TMCC2: variants seen among roughly 807,000 people sequenced by gnomAD.
The protein encoded by TMCC2 is transmembrane and coiled-coil domain family 2, also known as transmembrane and coiled-coil domains protein 2.
TMCC2 carries 16 observed loss-of-function variants against 49.4 expected under a neutral mutation model. That is an observed-to-expected ratio of 0.32 (90% CI 0.22 to 0.49). The LOEUF (loss-of-function observed/expected upper bound fraction) is 0.49. Ranked by LOEUF, TMCC2 falls within the 20% of genes least tolerant of loss-of-function variation. The pLI, the probability that TMCC2 is intolerant of heterozygous loss-of-function variation, is 0.99. For missense variants in TMCC2, 762 were observed against 989.8 expected, an observed-to-expected ratio of 0.77 and a Z score of 3.09; for synonymous variants, 397 against 434.1, an observed-to-expected ratio of 0.91 and a Z score of 1.06.
intron 2 of TMCC2, among the ~76,000 whole-genome samples, chr1:205,260,763 T>C (rs1264778746): frequency 6.8e-6 from 1 of 147,940 alleles, no homozygotes; most frequent in African/African-American, 2.5e-5. Context: ...ATATTTCATA[T>C]AATGGAATCA....
intron 2 of TMCC2, among the ~76,000 whole-genome samples, chr1:205,248,539 C>T (rs950456944): frequency 6.6e-6 from 1 of 152,154 alleles, no homozygotes; most frequent in Non-Finnish European, 1.5e-5. Context: ...TGTGGGTGCA[C>T]TTGGGCATTG....
Position 205,254,887 on chromosome 1 carries a change from C to T in TMCC2, c.747+12843C>T, listed in dbSNP as rs182896040. On this transcript the variant is annotated intron_variant, in intron 2 of 4. Coordinates refer to ENST00000358024, the MANE Select transcript of TMCC2 (RefSeq NM_014858.4). ...CTCCTGCTGCCACTGCCTTCTCTTC[C>T]TTTTCCTCTGCTTAATAAGAAAAAG... Among the ~76,000 whole-genome samples, 62 of 152,328 alleles carry T rather than the reference C, an allele frequency of 4.1e-4. 1 individual carries two copies. In the East Asian group the frequency reaches 9.1e-3, roughly 22 times the overall value.
At chr1:205,261,562 C>T (rs912457125) in intron 2 of TMCC2, among the ~76,000 whole-genome samples, 1 of 151,856 alleles carries the variant, frequency 6.6e-6, no homozygotes, top group African/African-American at 2.4e-5. Context: ...GCCTGTGGCC[C>T]CAGCTACTTA....
At chr1:205,230,183 C>T in intron 1 of TMCC2, 1 of 985,354 alleles carries the variant, frequency 1.0e-6, no homozygotes, top group Non-Finnish European at 1.2e-6. Context: ...AGTGTGTGTG[C>T]TCTTACCTGT....
intron 1 of TMCC2, chr1:205,229,151 CTTTGTGTG>C (rs1326296332): frequency 1.7e-5 from 17 of 1,014,546 alleles, no homozygotes; most frequent in Middle Eastern, 4.8e-4. Flanking sequence ...CCATTGGGAT[CTTTGTGTG>C]TGTGTGTGTG....
chr1:205,235,962 G>A (rs769611052), intron 1 of TMCC2, among the ~76,000 whole-genome samples: 20 of 151,682 alleles, frequency 1.3e-4, no homozygotes, highest in Non-Finnish European at 1.8e-4. Context: ...CTAGCTGCTC[G>A]GGAGGCTGAG....
chr1:205,257,921 G>A (rs1244047506), intron 2 of TMCC2, among the ~76,000 whole-genome samples: 2 of 152,204 alleles, frequency 1.3e-5, no homozygotes, highest in Non-Finnish European at 2.9e-5. Flanking sequence ...CGAGGAGGGT[G>A]CAGGACATTT....
At chr1:205,256,140 C>A in intron 2 of TMCC2, 8 of 1,296,554 alleles carry the variant, frequency 6.2e-6, no homozygotes, top group Non-Finnish European at 7.2e-6. Context: ...TTTGGGACTA[C>A]CCAATCAACG....
chr1:205,238,874 G>T (rs906530157), intron 1 of TMCC2, among the ~76,000 whole-genome samples: 8 of 152,162 alleles, frequency 5.3e-5, no homozygotes. Flanking sequence ...CACATTCCTA[G>T]CTCCTGAGAT....
At chr1:205,254,570 C>T (rs1660789142) in intron 2 of TMCC2, among the ~76,000 whole-genome samples, 1 of 152,214 alleles carries the variant, frequency 6.6e-6, no homozygotes, top group African/African-American at 2.4e-5. Context: ...TTGTTTGCTA[C>T]TTTTCTCCTA....
rs1481386598 is a variant in TMCC2, at chr1:205,241,346, C to A, written c.208-159C>A. On this transcript the variant is annotated intron_variant, in intron 1 of 4. Transcript: ENST00000358024. This position sits in a 1 kb window ranked among gnomAD's most constrained non-coding sequence, Gnocchi z 7.3. ...GTTGCCACCTTTTCGCAAACTGACC[C>A]TTTATGCACGACGGGCCATCCACAG... Among the ~76,000 whole-genome samples the A allele has an allele frequency of 1.3e-5, 2 of 152,188 alleles. No individual in the cohort carries two copies. The highest frequency in any genetic ancestry group is 2.9e-5 in the Non-Finnish European group (2 of 68,032).
rs764976224 is a variant in TMCC2 at position 205,269,685 on chromosome 1, G to T, written c.1483G>T (p.Ala495Ser). ...SSAGAGSNSG[A>S]GPGGALGSPK... The stretch of plus-strand genomic sequence containing the variant: ...AGCCGGGGCAGGCAGCAACTCTGGG[G>T]CTGGGCCTGGTGGGGCGCTGGGGAG... Residue 495 changes from alanine to serine, a missense_variant, in exon 3 of 5, where the codon GCT becomes TCT. Physicochemically the swap from Ala to Ser is moderately conservative, Grantham distance 99. Transcript: ENST00000358024. 1.2e-6 allele frequency: 2 copies of T among 1,614,016 alleles called. No homozygotes were observed. The highest frequency in any genetic ancestry group is 1.7e-6 in the Non-Finnish European group (2 of 1,179,954).
chr1:205,237,813 A>T (rs1390570193), intron 1 of TMCC2, among the ~76,000 whole-genome samples: 6 of 152,162 alleles, frequency 3.9e-5, no homozygotes, highest in Admixed American at 3.9e-4. Context: ...GTGCCACCCA[A>T]GGAGATGGGG....
rs1660812847 is a variant in TMCC2 at position 205,255,170 on chromosome 1, T to C, written c.747+13126T>C. Among the ~76,000 whole-genome samples, 3 of 139,978 alleles carry C rather than the reference T, an allele frequency of 2.1e-5. No homozygotes were observed. In the Admixed American group the frequency reaches 2.3e-4, roughly 11 times the overall value. The allele number at this position is 139,978 out of a possible 152,430, so 91.8% of individuals were successfully genotyped here. A position where few individuals can be genotyped will look rare whatever the true frequency, so the allele number is the denominator to read the frequency against. On this transcript the variant is annotated intron_variant, in intron 2 of 4. Transcript: ENST00000358024. ...GTGAGGTGTGATCGTGCCACTGCAC[T>C]CCAGTCTGGGTGACAGAGCAAGATC...
chr1:205,253,505 G>A (rs1253951228), intron 2 of TMCC2, among the ~76,000 whole-genome samples: 1 of 152,204 alleles, frequency 6.6e-6, no homozygotes, highest in East Asian at 1.9e-4. Flanking sequence ...CAGCTCAGCT[G>A]CCCATCCTGT....
At chr1:205,259,118 C>T (rs1043041603) in intron 2 of TMCC2, among the ~76,000 whole-genome samples, 13 of 152,144 alleles carry the variant, frequency 8.5e-5, no homozygotes, top group Non-Finnish European at 1.8e-4. Context: ...TGACACCTGA[C>T]TCCATTGTCA....
In TMCC2 at chr1:205,241,510, C is replaced by A; in HGVS notation, c.213C>A (p.Ile71=). The change falls in exon 2 of 5, where the codon ATC becomes ATA. Residue 71 remains isoleucine (I), a synonymous_variant. Transcript: ENST00000358024. The surrounding 1 kb of genome is among the most constrained non-coding windows in gnomAD (Gnocchi z 7.3). The part of the protein sequence containing the change: ...PRSKPPDLKK[I]QQLSEGSMFG... ...CTTCATCTCTCCCCCTTAAGAAAAT[C>A]CAGCAGCTGTCAGAGGGCTCCATGT... The A allele has an allele frequency of 6.2e-7, 1 of 1,613,404 alleles. No homozygotes were observed. The highest frequency in any genetic ancestry group is 8.5e-7 in the Non-Finnish European group (1 of 1,179,858).
Position 205,241,361 on chromosome 1 carries a change from G to C in TMCC2, c.208-144G>C. On this transcript the variant is annotated intron_variant, in intron 1 of 4. Transcript: ENST00000358024. The surrounding 1 kb of genome is among the most constrained non-coding windows in gnomAD (Gnocchi z 7.3). Reference sequence around the variant, plus strand: ...CAAACTGACCCTTTATGCACGACGGGCCATCCACAGAGATCTTCCAGGTTC... The same window carrying C: ...CAAACTGACCCTTTATGCACGACGGCCCATCCACAGAGATCTTCCAGGTTC... The C allele has an allele frequency of 1.1e-6, 1 of 928,014 alleles. No individual in the cohort carries two copies. Among genetic ancestry groups the C allele is most frequent in the Non-Finnish European group, 1.6e-6 (1 of 622,554 alleles). The allele number at this position is 928,014 out of a possible 1,614,324, so 57.5% of individuals were successfully genotyped here.
chr1:205,231,411 C>T (rs1659793805), intron 1 of TMCC2, among the ~76,000 whole-genome samples: 1 of 152,136 alleles, frequency 6.6e-6, no homozygotes, highest in South Asian at 2.1e-4. Flanking sequence ...ACTCCCCAAT[C>T]TCAGCCTCCC....
Sources: allele counts gnomAD v4.1 joint callset (sites outside exome capture counted in the v4.1 genomes callset), GRCh38; gene constraint gnomAD v4.1.1; non-coding constraint Gnocchi (gnomAD v3.1); transcripts MANE v1.5; gene names NCBI Gene and HGNC (gene_info 2026-07-23, HGNC 2026-07-21).